ABCB5: variants seen among roughly 807,000 people sequenced by gnomAD.
ABCB5 encodes ATP binding cassette subfamily B member 5.
ABCB5 carries 155 observed loss-of-function variants against 144.2 expected under a neutral mutation model. The observed-to-expected ratio is 1.08, with a 90% CI of 0.94 to 1.23. ABCB5 has a LOEUF of 1.23. ABCB5 is among the 50% of genes most tolerant of loss of function. The pLI is 0.00. For synonymous variants in ABCB5, 610 were observed against 528.6 expected, an observed-to-expected ratio of 1.15 and a Z score of -2.11; for missense variants, 1,830 against 1,520.8, an observed-to-expected ratio of 1.20 and a Z score of -3.38.
chr7:20,692,848 A>G (rs1428472510), intron 16 of ABCB5, among the ~76,000 whole-genome samples: 2 of 152,172 alleles, frequency 1.3e-5, no homozygotes, highest in Non-Finnish European at 2.9e-5. Context: ...ATTACTAGGG[A>G]TAAAGAAGTT....
rs1787007427 is a variant in ABCB5 at position 20,710,988 on chromosome 7, AC to A, written c.2421+6184del. Among the ~76,000 whole-genome samples, 5 of 149,780 alleles carry A rather than the reference AC, an allele frequency of 3.3e-5. No homozygotes were observed. In the South Asian group the frequency reaches 8.6e-4, roughly 26 times the overall value. The stretch of plus-strand genomic sequence containing the variant: ...TAGTGGTTACTTTAGGCTTTATAGT[AC>A]CCATCTTTAACTTATCACAGTCTAC... On this transcript the variant is annotated intron_variant, in intron 20 of 27. Coordinates refer to ENST00000404938, the MANE Select transcript of ABCB5 (RefSeq NM_001163941.2).
In ABCB5 at chr7:20,650,111, G is replaced by T. The variant is rs139633934; in HGVS notation, c.1296G>T (p.Gln432His). ...GCAGTGGGAAGAGTACGGTAGTCCA[G>T]CTTCTGCAGAGGTTATATGATCCGG... ...LNGSGKSTVV[Q>H]LLQRLYDPDD... Residue 432 changes from glutamine (Q) to histidine (H), a missense_variant, in exon 12 of 28, where the codon CAG becomes CAT. Gln to His is a conservative substitution (Grantham distance 24). Transcript: ENST00000404938. The T allele has an allele frequency of 1.8e-5, 29 of 1,613,532 alleles. No individual in the cohort carries two copies. The African/African-American group carries it at 3.1e-4, about 17-fold the overall frequency.
intron 13 of ABCB5, among the ~76,000 whole-genome samples, chr7:20,655,710 T>C (rs1429853508): frequency 6.6e-6 from 1 of 152,220 alleles, no homozygotes; most frequent in Admixed American, 6.5e-5. Flanking sequence ...TCCATATTTT[T>C]AAAGATTTGC....
chr7:20,622,335 T>TAC (rs897360142), intron 1 of ABCB5, among the ~76,000 whole-genome samples: 1 of 152,180 alleles, frequency 6.6e-6, no homozygotes, highest in Non-Finnish European at 1.5e-5. Context: ...CAGTTGTAAA[T>TAC]ATCTCCCATA....
chr7:20,714,757 T>C (rs1781614522), intron 20 of ABCB5, among the ~76,000 whole-genome samples: 1 of 152,160 alleles, frequency 6.6e-6, no homozygotes. Context: ...AGCAAAGATA[T>C]GCAAGTACAA....
Position 20,745,296 on chromosome 7 carries a change from T to C in ABCB5, c.3287T>C (p.Val1096Ala). Residue 1096 changes from valine to alanine, a missense_variant, in exon 26 of 28, where the codon GTT becomes GCT. Transcript: ENST00000404938. The part of the protein sequence containing the change: ...VQWLRSQIAI[V>A]PQEPVLFNCS... ...TGGCTCCGTTCCCAAATAGCAATCGTTCCTCAAGAGCCTGTGCTCTTCAAC... is the reference window on the plus strand; with the variant it reads ...TGGCTCCGTTCCCAAATAGCAATCGCTCCTCAAGAGCCTGTGCTCTTCAAC... The C allele has an allele frequency of 6.2e-7, 1 of 1,614,060 alleles. No individual in the cohort carries two copies. The highest frequency in any genetic ancestry group is 8.5e-7 in the Non-Finnish European group (1 of 1,179,938).
Position 20,744,692 on chromosome 7 carries a change from AC to A in ABCB5, c.3223-539del, listed in dbSNP as rs1411129648. On this transcript the variant is annotated intron_variant, in intron 25 of 27. Coordinates refer to ENST00000404938, the MANE Select transcript of ABCB5 (RefSeq NM_001163941.2). ...ATGAGTTAATGGGTGCAGCACACCA[AC>A]ATGGCACATGTATACATATGTAACA... Among the ~76,000 whole-genome samples the A allele has an allele frequency of 2.0e-5, 3 of 152,118 alleles. No homozygotes were observed. The East Asian group carries it at 5.8e-4, about 29-fold the overall frequency.
At chr7:20,693,119 G>A (rs1449700774) in intron 16 of ABCB5, among the ~76,000 whole-genome samples, 1 of 151,908 alleles carries the variant, frequency 6.6e-6, no homozygotes, top group Non-Finnish European at 1.5e-5. Flanking sequence ...ACCATATTCT[G>A]GACTATAACA....
chr7:20,637,466 G>A (rs894153560), intron 5 of ABCB5, among the ~76,000 whole-genome samples: 1 of 150,922 alleles, frequency 6.6e-6, no homozygotes. Context: ...TGTTTCCCAG[G>A]CTGGAGTGCA....
At chr7:20,707,098 T>A (rs976073333) in intron 20 of ABCB5, among the ~76,000 whole-genome samples, 3 of 151,972 alleles carry the variant, frequency 2.0e-5, no homozygotes, top group Admixed American at 6.6e-5. Context: ...AATTTGGGGG[T>A]CATATTTCCT....
chr7:20,669,036 C>T (rs1384053326), intron 14 of ABCB5, among the ~76,000 whole-genome samples: 2 of 138,186 alleles, frequency 1.4e-5, no homozygotes, highest in Admixed American at 7.2e-5. Context: ...CGCCTCTGCC[C>T]GGCCGCCCCT....
intron 20 of ABCB5, among the ~76,000 whole-genome samples, chr7:20,706,859 A>G (rs969160174): frequency 6.6e-6 from 1 of 152,206 alleles, no homozygotes; most frequent in South Asian, 2.1e-4. Flanking sequence ...CTAATTTTAA[A>G]AATTAAGTTA....
chr7:20,644,433 C>T (rs1307343622), intron 7 of ABCB5, among the ~76,000 whole-genome samples: 1 of 152,168 alleles, frequency 6.6e-6, no homozygotes, highest in East Asian at 1.9e-4. Flanking sequence ...CTGCTAATAT[C>T]TATTTTTATG....
At chr7:20,653,469 T>A (rs1407266182) in intron 13 of ABCB5, among the ~76,000 whole-genome samples, 2 of 152,210 alleles carry the variant, frequency 1.3e-5, no homozygotes, top group African/African-American at 4.8e-5. Flanking sequence ...AATTAATGTA[T>A]AATAATTAGC....
intron 23 of ABCB5, among the ~76,000 whole-genome samples, chr7:20,729,535 G>C (rs1166882420): frequency 6.6e-6 from 1 of 152,092 alleles, no homozygotes; most frequent in Non-Finnish European, 1.5e-5. Flanking sequence ...TGAAGTTCTG[G>C]TCACATAATT....
intron 24 of ABCB5, 136 bp downstream of exon 24, chr7:20,739,275 C>A: frequency 1.3e-6 from 1 of 786,384 alleles, no homozygotes. Flanking sequence ...ACCTGTGTGA[C>A]AAGATCATTC....
chr7:20,660,120 T>C (rs975861978), intron 14 of ABCB5: 1 of 983,616 alleles, frequency 1.0e-6, no homozygotes, highest in East Asian at 1.1e-4. Context: ...TTAAAATAAA[T>C]AGTTGCTTGG....
In ABCB5 at chr7:20,712,453, A is replaced by C. The variant is rs933014579; in HGVS notation, c.2421+7646A>C. ...AACTCTATTGACCATTATTTATCTA[A>C]GTATTTTTTTCTGTCTTTCTAGTCT... On this transcript the variant is annotated intron_variant, in intron 20 of 27. Coordinates refer to ENST00000404938, the MANE Select transcript of ABCB5 (RefSeq NM_001163941.2). Among the ~76,000 whole-genome samples, 5 of 149,432 alleles carry C rather than the reference A, an allele frequency of 3.3e-5. 1 individual carries two copies. Among genetic ancestry groups the C allele is most frequent in the Non-Finnish European group, 7.4e-5 (5 of 67,232 alleles).
intron 14 of ABCB5, among the ~76,000 whole-genome samples, chr7:20,668,241 G>A (rs1436435183): frequency 9.2e-4 from 136 of 148,384 alleles, no homozygotes; most frequent in Admixed American, 6.0e-3. Context: ...AGTGAGGAGC[G>A]TCTCTGCCCG....
Sources: gnomAD v4.1 joint callset for allele counts (sites outside exome capture counted in the v4.1 genomes callset) on GRCh38, gnomAD v4.1.1 for gene constraint, MANE v1.5 for transcripts, NCBI Gene and HGNC (gene_info 2026-07-23, HGNC 2026-07-21) for gene names.